The following L3MBTL4 variants were observed in gnomAD, a reference collection of about 807,000 sequenced individuals.
L3MBTL4 encodes the protein L3MBTL histone methyl-lysine binding protein 4.
A neutral mutation model predicts 84.5 loss-of-function variants in L3MBTL4; 70 were observed. That is an observed-to-expected ratio of 0.83 (90% CI 0.68 to 1.01). L3MBTL4 has a LOEUF of 1.01. Ranked by LOEUF, L3MBTL4 falls within the 50% of genes least tolerant of loss-of-function variation. L3MBTL4 has a pLI of 0.00. For missense variants in L3MBTL4, 715 were observed against 754.8 expected (o/e 0.95, Z 0.62); for synonymous variants, 274 against 259.8 (o/e 1.05, Z -0.52).
intron 16 of L3MBTL4, among the ~76,000 whole-genome samples, chr18:5,985,837 A>T (rs1036142434): frequency 1.3e-5 from 2 of 152,148 alleles, no homozygotes; most frequent in African/African-American, 4.8e-5. Flanking sequence ...ACACAGTAGA[A>T]GTGAGGGATG....
chr18:6,185,040 T>C (rs568222464), intron 12 of L3MBTL4, among the ~76,000 whole-genome samples: 1 of 152,362 alleles, frequency 6.6e-6, no homozygotes, highest in African/African-American at 2.4e-5. Context: ...TTGATTTTTC[T>C]TTGGTTTGGT....
In L3MBTL4 at chr18:6,069,768, A is replaced by C. The variant is rs553208203; in HGVS notation, c.1444+11113T>G. Among the ~76,000 whole-genome samples the C allele has an allele frequency of 3.9e-4, 60 of 152,338 alleles. 2 individuals are homozygous for C. The highest frequency in any genetic ancestry group is 1.4e-3 in the African/African-American group (60 of 41,592). ...CTGATATCACTCACTCAGTGCTCCA[A>C]TAACAAAGGCAAAAGATGACTCAGA... On this transcript the variant is annotated intron_variant, in intron 16 of 18. Transcript: ENST00000317931.
chr18:6,389,502 T>G (rs2054958001), intron 1 of L3MBTL4, among the ~76,000 whole-genome samples: 1 of 152,166 alleles, frequency 6.6e-6, no homozygotes, highest in Non-Finnish European at 1.5e-5. Flanking sequence ...AGATACAGAT[T>G]GGCAGAATGC....
chr18:5,976,058 G>A (rs949227840), intron 16 of L3MBTL4, among the ~76,000 whole-genome samples: 3 of 152,204 alleles, frequency 2.0e-5, no homozygotes, highest in Non-Finnish European at 2.9e-5. Flanking sequence ...TATCGAGAGG[G>A]TTAGAAGTTG....
At chr18:6,128,041 G>A (rs1440134492) in intron 14 of L3MBTL4, among the ~76,000 whole-genome samples, 1 of 125,762 alleles carries the variant, frequency 8.0e-6, no homozygotes, top group Non-Finnish European at 1.6e-5. Flanking sequence ...GGTGGGGCGG[G>A]GGAAGAGTCA....
chr18:5,988,125 C>T (rs1249769057), intron 16 of L3MBTL4, among the ~76,000 whole-genome samples: 2 of 152,338 alleles, frequency 1.3e-5, no homozygotes, highest in East Asian at 1.9e-4. Context: ...AGAGACTTCA[C>T]TTGCCAAGAC....
chr18:6,154,374 G>T (rs946870144), intron 13 of L3MBTL4, among the ~76,000 whole-genome samples: 1 of 152,122 alleles, frequency 6.6e-6, no homozygotes, highest in Non-Finnish European at 1.5e-5. Context: ...GAATAGAATG[G>T]AGTTCTACCA....
intron 13 of L3MBTL4, among the ~76,000 whole-genome samples, chr18:6,143,915 C>T (rs545968815): frequency 1.2e-3 from 180 of 152,172 alleles, no homozygotes; most frequent in African/African-American, 4.2e-3. Context: ...AAGACAGCAA[C>T]GGCTGGGCGC....
At chr18:6,100,885 AG>A (rs1174601830) in intron 14 of L3MBTL4, among the ~76,000 whole-genome samples, 4 of 152,166 alleles carry the variant, frequency 2.6e-5, no homozygotes, top group Non-Finnish European at 2.9e-5. Context: ...CCACTGGATG[AG>A]GGCGTAGGCC....
At chr18:6,113,165 T>C (rs1445886833) in intron 14 of L3MBTL4, among the ~76,000 whole-genome samples, 1 of 151,890 alleles carries the variant, frequency 6.6e-6, no homozygotes, top group Non-Finnish European at 1.5e-5. Flanking sequence ...TATAAGAAAA[T>C]ATGAAACTGG....
chr18:6,167,874 C>G (rs1178853431), intron 13 of L3MBTL4, among the ~76,000 whole-genome samples: 5 of 152,078 alleles, frequency 3.3e-5, no homozygotes, highest in South Asian at 4.2e-4. Context: ...ATTAGGAAAA[C>G]AGGAAGTCAA....
At chr18:6,054,367 G>C (rs575147682) in intron 16 of L3MBTL4, among the ~76,000 whole-genome samples, 274 of 152,166 alleles carry the variant, frequency 1.8e-3, no homozygotes, top group African/African-American at 5.9e-3. Context: ...CCATCCCTGA[G>C]GTGTGGAGTC....
At chr18:6,252,578 TC>T (rs1313361155) in intron 5 of L3MBTL4, among the ~76,000 whole-genome samples, 1 of 152,192 alleles carries the variant, frequency 6.6e-6, no homozygotes, top group Admixed American at 6.5e-5. Context: ...TACCCTTCTG[TC>T]TTGTTAAAAA....
chr18:6,386,361 A>G (rs560141454), intron 1 of L3MBTL4, among the ~76,000 whole-genome samples: 2 of 152,354 alleles, frequency 1.3e-5, no homozygotes, highest in South Asian at 4.1e-4. Flanking sequence ...TCTGTCTGAC[A>G]AGGGTCACAT....
chr18:6,351,241 G>C (rs2053170573), intron 1 of L3MBTL4, among the ~76,000 whole-genome samples: 1 of 152,052 alleles, frequency 6.6e-6, no homozygotes. Context: ...AAAACATTAT[G>C]CTAAGCAAAA....
chr18:6,402,374 G>T, intron 1 of L3MBTL4, among the ~76,000 whole-genome samples: 1 of 152,138 alleles, frequency 6.6e-6, no homozygotes, highest in East Asian at 1.9e-4. Context: ...TGGCCTTCTA[G>T]AAATAATATA....
At chr18:6,235,420 A>C (rs2047178136) in intron 10 of L3MBTL4, among the ~76,000 whole-genome samples, 1 of 152,216 alleles carries the variant, frequency 6.6e-6, no homozygotes, top group African/African-American at 2.4e-5. Context: ...AAAAGGTACA[A>C]CTAAACCAAA....
intron 13 of L3MBTL4, among the ~76,000 whole-genome samples, chr18:6,161,761 C>A (rs1364662245): frequency 6.6e-6 from 1 of 152,114 alleles, no homozygotes; most frequent in Non-Finnish European, 1.5e-5. Flanking sequence ...CTGGGCTCAC[C>A]CCACTGCATT....
At chr18:6,013,364 A>G (rs752088014) in intron 16 of L3MBTL4, among the ~76,000 whole-genome samples, 1 of 152,204 alleles carries the variant, frequency 6.6e-6, no homozygotes, top group Non-Finnish European at 1.5e-5. Flanking sequence ...GTCAGCTACA[A>G]TTGGCTGGAA....
Sources: allele counts gnomAD v4.1 joint callset (sites outside exome capture counted in the v4.1 genomes callset), GRCh38; gene constraint gnomAD v4.1.1; transcripts MANE v1.5; gene names NCBI Gene and HGNC (gene_info 2026-07-23, HGNC 2026-07-21).